CCBE1: variants seen among roughly 807,000 people sequenced by gnomAD.
The protein encoded by CCBE1 is collagen and calcium binding EGF domains 1.
Under a neutral mutation model 50.0 loss-of-function variants are expected in CCBE1, and 37 were observed. The observed-to-expected ratio is 0.74, with a 90% CI of 0.57 to 0.97. The LOEUF is 0.97. CCBE1 is among the 50% of genes least tolerant of loss of function. The pLI is 0.00. For synonymous variants in CCBE1, 234 were observed against 203.7 expected, an observed-to-expected ratio of 1.15 and a Z score of -1.27; for missense variants, 538 against 523.8, an observed-to-expected ratio of 1.03 and a Z score of -0.26.
At chr18:59,674,894 A>G (rs2054479272) in intron 2 of CCBE1, among the ~76,000 whole-genome samples, 1 of 152,260 alleles carries the variant, frequency 6.6e-6, no homozygotes, top group Non-Finnish European at 1.5e-5. Flanking sequence ...AATAAATAAC[A>G]ATAACATTTA....
chr18:59,645,599 G>T (rs1056543963), intron 2 of CCBE1, among the ~76,000 whole-genome samples: 1 of 152,104 alleles, frequency 6.6e-6, no homozygotes, highest in Admixed American at 6.5e-5. Flanking sequence ...TGGAATATCT[G>T]CCATCTCAGA....
chr18:59,677,159 G>C (rs1281834238), intron 2 of CCBE1, among the ~76,000 whole-genome samples: 1 of 152,218 alleles, frequency 6.6e-6, no homozygotes, highest in East Asian at 1.9e-4. Context: ...AAGAACAGTT[G>C]CAATATTCCA....
chr18:59,448,123 C>A lies in CCBE1; in HGVS notation c.655-20G>T. 1 of 1,613,376 alleles carries A rather than the reference C, an allele frequency of 6.2e-7. No individual in the cohort carries two copies. The stretch of plus-strand genomic sequence containing the variant: ...AGCAATCTGCAAGGAGAAGAGGAAG[C>A]CTCAGTCAGGAAGCAATGGCAGAAG... On this transcript the variant is annotated intron_variant, in intron 6 of 10. Transcript: ENST00000439986.
intron 2 of CCBE1, among the ~76,000 whole-genome samples, chr18:59,618,885 A>G (rs925113987): frequency 5.3e-5 from 8 of 152,216 alleles, no homozygotes; most frequent in Admixed American, 1.3e-4. Context: ...GAAAGTTTAC[A>G]TAACTATATT....
chr18:59,461,078 T>C (rs536610062), intron 5 of CCBE1, among the ~76,000 whole-genome samples: 3 of 152,274 alleles, frequency 2.0e-5, no homozygotes, highest in Admixed American at 2.0e-4. Context: ...TGAAAGGGTC[T>C]TCAAAGCTCA....
chr18:59,494,138 A>G (rs1167252733), intron 2 of CCBE1, among the ~76,000 whole-genome samples: 7 of 152,226 alleles, frequency 4.6e-5, no homozygotes, highest in Non-Finnish European at 5.9e-5. Flanking sequence ...GCTTCGTAAC[A>G]GAAGTGTAAT....
chr18:59,508,783 C>G (rs1268171185), intron 2 of CCBE1, among the ~76,000 whole-genome samples: 1 of 131,060 alleles, frequency 7.6e-6, no homozygotes, highest in African/African-American at 3.0e-5. Flanking sequence ...GTAGGGCCAT[C>G]ATGGCTCACT....
intron 2 of CCBE1, among the ~76,000 whole-genome samples, chr18:59,681,944 G>A (rs2054593973): frequency 6.6e-6 from 1 of 152,212 alleles, no homozygotes; most frequent in South Asian, 2.1e-4. Flanking sequence ...AGTGGTCCCT[G>A]TCAGACGGTC....
At chr18:59,469,681 C>T in intron 3 of CCBE1, 74 bp from the exon 4 acceptor site, 1 of 1,598,078 alleles carries the variant, frequency 6.3e-7, no homozygotes, top group South Asian at 1.1e-5. Flanking sequence ...CTGGAAAGGA[C>T]TTTCTGGGCT....
chr18:59,637,999 C>T (rs182568097), intron 2 of CCBE1, among the ~76,000 whole-genome samples: 13 of 151,978 alleles, frequency 8.6e-5, no homozygotes, highest in African/African-American at 2.7e-4. Context: ...GTTGGCATAA[C>T]CTGGATAACA....
intron 2 of CCBE1, among the ~76,000 whole-genome samples, chr18:59,609,219 A>G (rs1003591137): frequency 1.3e-5 from 2 of 152,218 alleles, no homozygotes; most frequent in African/African-American, 4.8e-5. Context: ...ATCTTGAAGC[A>G]TCATCTACTT....
chr18:59,507,725 A>T (rs1041555373), intron 2 of CCBE1, among the ~76,000 whole-genome samples: 1 of 152,216 alleles, frequency 6.6e-6, no homozygotes, highest in Non-Finnish European at 1.5e-5. Flanking sequence ...AACTGAAAGC[A>T]TTTGTTAAAA....
At chr18:59,542,250 C>A (rs1915498578) in intron 2 of CCBE1, among the ~76,000 whole-genome samples, 1 of 85,868 alleles carries the variant, frequency 1.2e-5, no homozygotes, top group Non-Finnish European at 2.5e-5. Flanking sequence ...CCTGGGTGCC[C>A]TATTGCTAGA....
At chr18:59,547,069 G>GAA (rs1218699650) in intron 2 of CCBE1, among the ~76,000 whole-genome samples, 3 of 116,518 alleles carry the variant, frequency 2.6e-5, no homozygotes, top group African/African-American at 3.6e-5. Context: ...GAGGGGGAGA[G>GAA]AGGGGGAGAG....
intron 2 of CCBE1, among the ~76,000 whole-genome samples, chr18:59,500,714 T>G (rs1913577745): frequency 6.6e-6 from 1 of 152,182 alleles, no homozygotes; most frequent in African/African-American, 2.4e-5. Context: ...TCACTCCCTG[T>G]GCACCTGAGT....
rs1405679192 is a variant in CCBE1 at position 59,435,058 on chromosome 18, C to T, written c.*850G>A. The stretch of plus-strand genomic sequence containing the variant: ...GAACAAATAATCTATATTTATAGAG[C>T]AGACTCCACTGTTGATTAAACAGCT... On this transcript the variant is annotated 3_prime_UTR_variant, in exon 11 of 11. Coordinates refer to ENST00000439986, the MANE Select transcript of CCBE1 (RefSeq NM_133459.4). 1.3e-5 allele frequency: 2 copies of T among 152,174 alleles called. No homozygotes were observed. The highest frequency in any genetic ancestry group is 2.9e-5 in the Non-Finnish European group (2 of 68,044). 9.4% of individuals were successfully genotyped at this position (152,174 alleles called of 1,614,324 possible).
chr18:59,586,186 C>G (rs1422097550), intron 2 of CCBE1, among the ~76,000 whole-genome samples: 1 of 152,140 alleles, frequency 6.6e-6, no homozygotes, highest in East Asian at 1.9e-4. Flanking sequence ...TGAGTTCAGT[C>G]CAATAAAGGA....
intron 10 of CCBE1, among the ~76,000 whole-genome samples, chr18:59,437,515 A>AC (rs1396607842): frequency 1.3e-5 from 2 of 152,120 alleles, no homozygotes; most frequent in Admixed American, 6.5e-5. Flanking sequence ...CACGACTCCT[A>AC]CCTCTGTGGC....
chr18:59,524,488 G>T (rs1914736245), intron 2 of CCBE1, among the ~76,000 whole-genome samples: 1 of 152,086 alleles, frequency 6.6e-6, no homozygotes, highest in African/African-American at 2.4e-5. Context: ...CAACCAGAAG[G>T]ATAGAAACAA....
Sources: gnomAD v4.1 joint callset for allele counts (sites outside exome capture counted in the v4.1 genomes callset) on GRCh38, gnomAD v4.1.1 for gene constraint, MANE v1.5 for transcripts, NCBI Gene and HGNC (gene_info 2026-07-23, HGNC 2026-07-21) for gene names.